NIN: variants seen among roughly 807,000 people sequenced by gnomAD.
NIN encodes the protein ninein.
NIN carries 137 observed loss-of-function variants against 257.6 expected under a neutral mutation model. The observed-to-expected ratio is 0.53, with a 90% CI of 0.46 to 0.61. NIN has a LOEUF of 0.61. Among genes scored for constraint, NIN ranks in the 20% least tolerant of loss-of-function variants. NIN has a pLI of 0.00. For missense variants in NIN, 2,439 were observed against 2,501.2 expected, an observed-to-expected ratio of 0.98 and a Z score of 0.53; for synonymous variants, 918 against 919.8, an observed-to-expected ratio of 1.00 and a Z score of 0.04.
At chr14:50,788,977 G>A (rs938790117) in intron 5 of NIN, among the ~76,000 whole-genome samples, 5 of 152,156 alleles carry the variant, frequency 3.3e-5, no homozygotes, top group African/African-American at 1.2e-4. Context: ...ATGTCTGAGA[G>A]CAGGGGAAAC....
chr14:50,762,036 C>T lies in NIN; in HGVS notation c.1775-125G>A. 5 of 999,780 alleles carry T rather than the reference C, an allele frequency of 5.0e-6. No homozygotes were observed. The South Asian group carries it at 7.6e-5, about 15-fold the overall frequency. 61.9% of individuals were successfully genotyped at this position (999,780 alleles called of 1,614,324 possible). On this transcript the variant is annotated intron_variant, in intron 15 of 30. Coordinates refer to ENST00000530997, the MANE Select transcript of NIN (RefSeq NM_020921.4). ...CAGCCTGAATTACCAGAGATGTGAA[C>T]TAATAGGAAATAACAGAGGCCAAGA... is the stretch of plus-strand genomic sequence containing the variant.
At chr14:50,791,847 C>T (rs1034674138) in intron 5 of NIN, among the ~76,000 whole-genome samples, 117 of 98,162 alleles carry the variant, frequency 1.2e-3, no homozygotes, top group African/African-American at 3.3e-3. Context: ...ACAGAGTCCA[C>T]TGGCAATCTA....
At position 50,729,993 on chromosome 14, in the gene NIN, C is replaced by T. The variant is rs2984276; in HGVS notation, c.5878-270G>A. 0.36 allele frequency among the ~76,000 whole-genome samples: 54,829 copies of T among 151,980 alleles called. 12,689 individuals are homozygous for T. The highest frequency in any genetic ancestry group is 0.66 in the African/African-American group (27,237 of 41,434). On this transcript the variant is annotated intron_variant, in intron 28 of 30. Coordinates refer to ENST00000530997, the MANE Select transcript of NIN (RefSeq NM_020921.4). The stretch of plus-strand genomic sequence containing the variant: ...CAACTCTGGAGTGATATTAAGGGCA[C>T]GATGTACATAATACATGTGAATTCT...
At chr14:50,811,889 G>C (rs949089218) in intron 3 of NIN, among the ~76,000 whole-genome samples, 1 of 151,982 alleles carries the variant, frequency 6.6e-6, no homozygotes, top group Non-Finnish European at 1.5e-5. Context: ...AGCTACTCGG[G>C]AGGCTGAAGC....
At chr14:50,775,814 A>C (rs1274483623) in intron 7 of NIN, among the ~76,000 whole-genome samples, 1 of 152,194 alleles carries the variant, frequency 6.6e-6, no homozygotes, top group East Asian at 1.9e-4. Flanking sequence ...GCACTGATTT[A>C]CAATTCAGGA....
chr14:50,759,356 A>T lies in NIN; in HGVS notation c.2399+501T>A, dbSNP rs370262342. Among the ~76,000 whole-genome samples, 16 of 152,348 alleles carry T rather than the reference A, an allele frequency of 1.1e-4. No individual in the cohort carries two copies. The East Asian group carries it at 1.5e-3, about 15-fold the overall frequency. ...CTTTCCTCTTTTACAAACATAACAAAATAAAAACAGTTCCAATCATCCCAA... is the reference window on the plus strand; with the variant it reads ...CTTTCCTCTTTTACAAACATAACAATATAAAAACAGTTCCAATCATCCCAA... On this transcript the variant is annotated intron_variant, in intron 17 of 30. Transcript: ENST00000530997.
chr14:50,754,108 A>C (rs1406711751), intron 20 of NIN, among the ~76,000 whole-genome samples: 1 of 152,246 alleles, frequency 6.6e-6, no homozygotes, highest in African/African-American at 2.4e-5. Context: ...ATACAAATTG[A>C]GCACTGAATG....
At chr14:50,812,665 T>C (rs1489445220) in intron 3 of NIN, among the ~76,000 whole-genome samples, 3 of 152,190 alleles carry the variant, frequency 2.0e-5, no homozygotes, top group Non-Finnish European at 4.4e-5. Flanking sequence ...ATGTCCTACT[T>C]GGCCAATAGG....
chr14:50,787,158 A>AT (rs2043380812), intron 5 of NIN, among the ~76,000 whole-genome samples: 1 of 152,218 alleles, frequency 6.6e-6, no homozygotes, highest in African/African-American at 2.4e-5. Context: ...AAATGACTGT[A>AT]TAACACCCCT....
chr14:50,739,954 G>C (rs1019295539), intron 25 of NIN, among the ~76,000 whole-genome samples: 22 of 152,180 alleles, frequency 1.4e-4, no homozygotes, highest in African/African-American at 5.1e-4. Context: ...TTTCACATAT[G>C]CAATCATATC....
intron 12 of NIN, among the ~76,000 whole-genome samples, chr14:50,767,541 G>A (rs2042537217): frequency 6.6e-6 from 1 of 152,212 alleles, no homozygotes; most frequent in Non-Finnish European, 1.5e-5. Flanking sequence ...CTCTAGGCCA[G>A]GCATAGTGGC....
At chr14:50,810,073 C>T (rs889221643) in intron 3 of NIN, among the ~76,000 whole-genome samples, 3 of 151,664 alleles carry the variant, frequency 2.0e-5, no homozygotes, top group Non-Finnish European at 4.4e-5. Flanking sequence ...CTACTAAAAA[C>T]ACAAAAAATT....
intron 2 of NIN, among the ~76,000 whole-genome samples, chr14:50,824,455 G>A (rs1018934494): frequency 6.6e-6 from 1 of 152,146 alleles, no homozygotes; most frequent in African/African-American, 2.4e-5. Context: ...TGGAACAAAT[G>A]CTCACGCTGA....
intron 3 of NIN, among the ~76,000 whole-genome samples, chr14:50,810,818 G>A (rs1264182124): frequency 1.3e-5 from 2 of 151,826 alleles, no homozygotes; most frequent in Admixed American, 6.6e-5. Flanking sequence ...CCACCACCAT[G>A]CCTGGCTAAT....
intron 29 of NIN, chr14:50,727,685 GT>G (rs756637549): frequency 4.0e-5 from 57 of 1,440,650 alleles, no homozygotes; most frequent in Non-Finnish European, 5.2e-5. Flanking sequence ...TAGCAGCCCA[GT>G]TTTCACAGGT....
intron 5 of NIN, among the ~76,000 whole-genome samples, chr14:50,780,465 C>T (rs993158806): frequency 2.6e-5 from 4 of 152,166 alleles, no homozygotes; most frequent in African/African-American, 9.7e-5. Context: ...TGGTATGGCA[C>T]GTAAAATTTT....
intron 3 of NIN, among the ~76,000 whole-genome samples, chr14:50,817,597 C>G (rs968070134): frequency 6.6e-6 from 1 of 152,126 alleles, no homozygotes; most frequent in South Asian, 2.1e-4. Context: ...TGCCTGGAGG[C>G]TTATTCTCAC....
At chr14:50,821,429 G>A (rs1248889461) in intron 3 of NIN, among the ~76,000 whole-genome samples, 1 of 152,202 alleles carries the variant, frequency 6.6e-6, no homozygotes, top group Non-Finnish European at 1.5e-5. Flanking sequence ...TATTTCCTGG[G>A]TAGAAAGTTT....
intron 21 of NIN, among the ~76,000 whole-genome samples, chr14:50,750,464 C>T (rs1389761141): frequency 1.3e-5 from 2 of 152,198 alleles, no homozygotes; most frequent in African/African-American, 2.4e-5. Flanking sequence ...AACATATTTA[C>T]TTATTTGTTC....
Sources: gnomAD v4.1 joint callset for allele counts (sites outside exome capture counted in the v4.1 genomes callset) on GRCh38, gnomAD v4.1.1 for gene constraint, MANE v1.5 for transcripts, NCBI Gene and HGNC (gene_info 2026-07-23, HGNC 2026-07-21) for gene names.